Variants in CCDC181 observed in about 807,000 individuals in gnomAD.
CCDC181 encodes coiled-coil domain-containing protein 181.
A neutral mutation model predicts 58.7 loss-of-function variants in CCDC181; 35 were observed. The ratio of observed to expected loss-of-function variants is 0.60; its 90% CI spans 0.46 to 0.79. The LOEUF is 0.79. CCDC181 is among the 30% of genes least tolerant of loss of function. The probability of loss-of-function intolerance (pLI) is 0.00; values close to 1 mark genes in which losing one functional copy is unlikely to be tolerated. For synonymous variants in CCDC181, 183 were observed against 197.5 expected (o/e 0.93, Z 0.62); for missense variants, 517 against 583.9 (o/e 0.89, Z 1.18).
At chr1:169,454,296 CCTA>C (rs1657627777) in intron 2 of CCDC181, 1 of 151,904 alleles carries the variant, frequency 6.6e-6, no homozygotes, top group African/African-American at 2.4e-5. Flanking sequence ...TAAAAATACT[CCTA>C]CTCATTTTCC....
intron 2 of CCDC181, among the ~76,000 whole-genome samples, chr1:169,423,555 C>G (rs1034693349): frequency 6.6e-6 from 1 of 152,026 alleles, no homozygotes; most frequent in African/African-American, 2.4e-5. Context: ...TTATAATCAT[C>G]CGCTGGAATG....
intron 2 of CCDC181, among the ~76,000 whole-genome samples, chr1:169,448,453 A>G (rs1385177764): frequency 6.6e-6 from 1 of 152,078 alleles, no homozygotes; most frequent in Non-Finnish European, 1.5e-5. Context: ...CTGGATGTAG[A>G]ATTATAGGTT....
intron 4 of CCDC181, among the ~76,000 whole-genome samples, chr1:169,401,053 A>G (rs1655315572): frequency 6.6e-6 from 1 of 152,202 alleles, no homozygotes; most frequent in African/African-American, 2.4e-5. Context: ...ACTCACTGCT[A>G]ACACAGCAGT....
chr1:169,416,224 G>A (rs762129931), intron 4 of CCDC181, among the ~76,000 whole-genome samples: 1 of 152,144 alleles, frequency 6.6e-6, no homozygotes, highest in Non-Finnish European at 1.5e-5. Context: ...CCTTTGCTGG[G>A]GGTAGGGGGT....
chr1:169,406,071 G>T (rs1655639272), intron 4 of CCDC181, among the ~76,000 whole-genome samples: 1 of 152,220 alleles, frequency 6.6e-6, no homozygotes, highest in Non-Finnish European at 1.5e-5. Context: ...GGCCATCAGA[G>T]AAATGCAAAT....
intron 2 of CCDC181, among the ~76,000 whole-genome samples, chr1:169,437,005 G>A (rs1037654594): frequency 5.3e-5 from 8 of 151,118 alleles, no homozygotes; most frequent in South Asian, 2.1e-4. Context: ...TTTTTTTGGC[G>A]GGAGGGAGAC....
chr1:169,414,684 A>G (rs1253207013), intron 4 of CCDC181, among the ~76,000 whole-genome samples: 1 of 152,196 alleles, frequency 6.6e-6, no homozygotes, highest in African/African-American at 2.4e-5. Context: ...TACATCACCT[A>G]AGATCTTTTA....
chr1:169,402,529 A>G (rs1170861264), intron 4 of CCDC181, among the ~76,000 whole-genome samples: 2 of 152,162 alleles, frequency 1.3e-5, no homozygotes, highest in East Asian at 1.9e-4. Context: ...AGAATTTTCA[A>G]CCCAGAATTT....
chr1:169,433,526 C>T (rs1321371426), intron 2 of CCDC181, among the ~76,000 whole-genome samples: 3 of 151,948 alleles, frequency 2.0e-5, no homozygotes, highest in Non-Finnish European at 4.4e-5. Flanking sequence ...TTCCTGATTT[C>T]AAAACTTACT....
intron 4 of CCDC181, among the ~76,000 whole-genome samples, chr1:169,412,809 C>T (rs1398625974): frequency 6.6e-6 from 1 of 152,192 alleles, no homozygotes; most frequent in Non-Finnish European, 1.5e-5. Context: ...GCTGGGAAAA[C>T]TGGCTAGCCA....
intron 4 of CCDC181, among the ~76,000 whole-genome samples, chr1:169,397,829 A>C (rs1655132798): frequency 6.6e-6 from 1 of 152,200 alleles, no homozygotes; most frequent in Non-Finnish European, 1.5e-5. Context: ...AAGAAGACAG[A>C]TTTGGTACTC....
chr1:169,416,844 A>G (rs959836913), intron 4 of CCDC181, among the ~76,000 whole-genome samples: 6 of 152,302 alleles, frequency 3.9e-5, no homozygotes, highest in African/African-American at 9.6e-5. Flanking sequence ...AAAAAGCTAA[A>G]AACTTCCACA....
chr1:169,407,145 C>T (rs575263137), intron 4 of CCDC181, among the ~76,000 whole-genome samples: 2 of 150,202 alleles, frequency 1.3e-5, no homozygotes, highest in South Asian at 2.1e-4. Context: ...ATTCAAGAAG[C>T]TCAGCAAAAC....
chr1:169,452,106 G>GA (rs557706024), intron 2 of CCDC181, among the ~76,000 whole-genome samples: 29 of 141,320 alleles, frequency 2.1e-4, no homozygotes, highest in Middle Eastern at 3.6e-3. Flanking sequence ...TAGATGAGAA[G>GA]AAAAAAAAAA....
intron 2 of CCDC181, among the ~76,000 whole-genome samples, chr1:169,440,536 A>G (rs979719917): frequency 2.6e-5 from 4 of 152,224 alleles, no homozygotes; most frequent in African/African-American, 9.6e-5. Flanking sequence ...GGCATTGTAC[A>G]TAGAGATGAT....
intron 2 of CCDC181, among the ~76,000 whole-genome samples, chr1:169,456,733 T>G (rs1657684933): frequency 6.6e-6 from 1 of 152,188 alleles, no homozygotes; most frequent in Non-Finnish European, 1.5e-5. Flanking sequence ...TTTCACCACA[T>G]GCAGTCAACC....
At chr1:169,402,228 C>G (rs551850097) in intron 4 of CCDC181, among the ~76,000 whole-genome samples, 2 of 152,334 alleles carry the variant, frequency 1.3e-5, no homozygotes, top group South Asian at 4.1e-4. Flanking sequence ...TTAGAAAACA[C>G]TCTTCTGGAT....
intron 2 of CCDC181, 36 bp downstream of exon 2, chr1:169,424,775 A>C: frequency 2.7e-6 from 3 of 1,125,872 alleles, no homozygotes; most frequent in Non-Finnish European, 3.9e-6. Flanking sequence ...AGCACTTTGT[A>C]ATATAATTAT....
At chr1:169,422,458 T>C in intron 2 of CCDC181, 145 bp from the exon 3 acceptor site, 1 of 557,680 alleles carries the variant, frequency 1.8e-6, no homozygotes, top group African/African-American at 1.9e-5. Context: ...CATAACATTC[T>C]AATTCATACT....
Sources: gnomAD v4.1 joint callset for allele counts (sites outside exome capture counted in the v4.1 genomes callset) on GRCh38, gnomAD v4.1.1 for gene constraint, MANE v1.5 for transcripts, NCBI Gene and HGNC (gene_info 2026-07-23, HGNC 2026-07-21) for gene names.